The following PGR variants were observed in gnomAD, a reference collection of about 807,000 sequenced individuals.
PGR encodes the protein progesterone receptor.
A neutral mutation model predicts 76.1 loss-of-function variants in PGR; 25 were observed. That is an observed-to-expected ratio of 0.33 (90% CI 0.24 to 0.46). The LOEUF (loss-of-function observed/expected upper bound fraction) is 0.46. Among genes scored for constraint, PGR ranks in the 20% least tolerant of loss-of-function variants. The pLI is 1.00. For missense variants in PGR, 1,172 were observed against 1,225.3 expected, an observed-to-expected ratio of 0.96 and a Z score of 0.65; for synonymous variants, 579 against 535.0, an observed-to-expected ratio of 1.08 and a Z score of -1.14.
At chr11:101,070,183 G>T (rs1278585075) in intron 3 of PGR, among the ~76,000 whole-genome samples, 2 of 152,148 alleles carry the variant, frequency 1.3e-5, no homozygotes, top group Non-Finnish European at 2.9e-5. Flanking sequence ...GCGAGCTGAA[G>T]CAGGGTGGGG....
intron 7 of PGR, among the ~76,000 whole-genome samples, chr11:101,040,109 C>T (rs911578102): frequency 9.2e-5 from 14 of 152,044 alleles, no homozygotes; most frequent in Middle Eastern, 6.8e-3. Context: ...TCCATTCTTA[C>T]GACTTATTTT....
intron 2 of PGR, among the ~76,000 whole-genome samples, chr11:101,122,285 T>G (rs1439987341): frequency 1.3e-5 from 2 of 152,170 alleles, no homozygotes; most frequent in African/African-American, 4.8e-5. Flanking sequence ...TTACACCAAA[T>G]GTATTCACAA....
chr11:101,076,197 T>C (rs1861123228), intron 3 of PGR, among the ~76,000 whole-genome samples: 1 of 151,202 alleles, frequency 6.6e-6, no homozygotes, highest in Non-Finnish European at 1.5e-5. Context: ...AAACCATCAT[T>C]CAGAGCAAAC....
intron 2 of PGR, among the ~76,000 whole-genome samples, chr11:101,114,751 C>G (rs560305414): frequency 2.0e-5 from 3 of 152,238 alleles, no homozygotes; most frequent in African/African-American, 7.2e-5. Flanking sequence ...ACCCATTGAA[C>G]CCATTCCTCT....
chr11:101,040,856 C>T (rs1157365493), intron 7 of PGR, among the ~76,000 whole-genome samples: 1 of 151,984 alleles, frequency 6.6e-6, no homozygotes, highest in African/African-American at 2.4e-5. Flanking sequence ...TTCTTCTGGA[C>T]ATTCCTATTA....
At chr11:101,110,079 A>G (rs976542758) in intron 2 of PGR, among the ~76,000 whole-genome samples, 1 of 152,206 alleles carries the variant, frequency 6.6e-6, no homozygotes, top group African/African-American at 2.4e-5. Context: ...CTGCTTAGAA[A>G]AAAAAATTCC....
intron 4 of PGR, among the ~76,000 whole-genome samples, chr11:101,058,683 T>C (rs1860378101): frequency 6.6e-6 from 1 of 152,168 alleles, no homozygotes; most frequent in Non-Finnish European, 1.5e-5. Flanking sequence ...GTCACATCAA[T>C]TTCACTGCAA....
At chr11:101,103,554 G>A (rs1212896907) in intron 2 of PGR, among the ~76,000 whole-genome samples, 1 of 151,980 alleles carries the variant, frequency 6.6e-6, no homozygotes, top group African/African-American at 2.4e-5. Flanking sequence ...GTAAAGACTG[G>A]GCATATTCCT....
chr11:101,056,233 T>TAA (rs5794092), intron 4 of PGR, among the ~76,000 whole-genome samples: 5,184 of 149,034 alleles, frequency 0.035, 224 homozygotes, highest in African/African-American at 0.1. Flanking sequence ...TAACAAATGT[T>TAA]AAAAAAAAAA....
At chr11:101,062,337 GT>G (rs1860532364) in intron 4 of PGR, 109 bp downstream of exon 4, 1 of 833,430 alleles carries the variant, frequency 1.2e-6, no homozygotes, top group Non-Finnish European at 2.0e-6. Flanking sequence ...ATCACATACT[GT>G]TTTATATTGT....
rs146995681 is a variant in PGR, at chr11:101,045,540, C to T, written c.2489-3438G>A. On this transcript the variant is annotated intron_variant, in intron 6 of 7. Transcript: ENST00000325455. ...GCATTATTTAGCTCCCACTTATAAG[C>T]GAGAACATGTGGTATCTGACTTTGT... is the stretch of plus-strand genomic sequence containing the variant. Among the ~76,000 whole-genome samples the T allele has an allele frequency of 3.5e-3, 528 of 152,184 alleles. 6 individuals carry two copies. The highest frequency in any genetic ancestry group is 8.0e-3 in the Admixed American group (122 of 15,284).
intron 2 of PGR, among the ~76,000 whole-genome samples, chr11:101,107,118 G>A (rs559419890): frequency 3.3e-5 from 5 of 152,070 alleles, no homozygotes; most frequent in Non-Finnish European, 5.9e-5. Flanking sequence ...TGTAGGTGAC[G>A]GGTTGACGGG....
At chr11:101,114,240 C>T (rs971498580) in intron 2 of PGR, among the ~76,000 whole-genome samples, 4 of 152,308 alleles carry the variant, frequency 2.6e-5, no homozygotes, top group Admixed American at 6.5e-5. Flanking sequence ...TACCAGACTG[C>T]ATTTCTGCAA....
At position 101,031,767 on chromosome 11, in the gene PGR, G is replaced by T. The variant is rs897838162; in HGVS notation, c.*7349C>A. The T allele has an allele frequency of 2.6e-5, 6 of 227,762 alleles. No individual in the cohort carries two copies. The highest frequency in any genetic ancestry group is 4.4e-5 in the Non-Finnish European group (5 of 114,740). 14.1% of individuals were successfully genotyped at this position (227,762 alleles called of 1,614,324 possible). ...TTCCATAGAAGGAATCCCAGATAAG[G>T]CTTTTTAAAAGCCGAGCCCAGCCAT... On this transcript the variant is annotated 3_prime_UTR_variant, in exon 8 of 8. Transcript: ENST00000325455.
Position 101,062,441 on chromosome 11 carries a change from T to C in PGR, c.2212+6A>G. The C allele has an allele frequency of 1.2e-6, 2 of 1,604,552 alleles. No individual in the cohort carries two copies. Among genetic ancestry groups the C allele is most frequent in the Non-Finnish European group, 1.7e-6 (2 of 1,171,492 alleles). On this transcript the variant is annotated splice_donor_region_variant and intron_variant, in intron 4 of 7. Coordinates refer to ENST00000325455, the MANE Select transcript of PGR (RefSeq NM_000926.4). ...ATTACATGCTGTATATAAAAATTAT[T>C]ATTACCTGGCAATGATTTAGACCAC... is the stretch of plus-strand genomic sequence containing the variant.
At chr11:101,083,445 G>C (rs1342956400) in intron 3 of PGR, among the ~76,000 whole-genome samples, 2 of 152,218 alleles carry the variant, frequency 1.3e-5, no homozygotes, top group African/African-American at 2.4e-5. Flanking sequence ...CCATCAACCA[G>C]ACCTCAGAAT....
chr11:101,052,102 C>T (rs982427763), intron 4 of PGR, among the ~76,000 whole-genome samples: 1 of 152,116 alleles, frequency 6.6e-6, no homozygotes, highest in Non-Finnish European at 1.5e-5. Flanking sequence ...TAAACATAAA[C>T]TGGTCTTACT....
Position 101,033,879 on chromosome 11 carries a change from A to G in PGR, c.*5237T>C. Reference sequence around the variant, plus strand: ...ATTTAGAATAATTTATATCTGATAAATTGAATACATCAGGATTTGATGTAT... The same window carrying G: ...ATTTAGAATAATTTATATCTGATAAGTTGAATACATCAGGATTTGATGTAT... On this transcript the variant is annotated 3_prime_UTR_variant, in exon 8 of 8. Transcript: ENST00000325455. The G allele has an allele frequency of 4.7e-6, 1 of 213,652 alleles. No individual in the cohort carries two copies. Among genetic ancestry groups the G allele is most frequent in the African/African-American group, 2.2e-5 (1 of 44,502 alleles). The allele number at this position is 213,652 out of a possible 1,614,324, so 13.2% of individuals were successfully genotyped here.
At chr11:101,050,786 C>T (rs955711490) in intron 5 of PGR, among the ~76,000 whole-genome samples, 1 of 152,018 alleles carries the variant, frequency 6.6e-6, no homozygotes, top group Non-Finnish European at 1.5e-5. Flanking sequence ...ACTCAGTTTT[C>T]TAAACTGTAC....
Sources: gnomAD v4.1 joint callset for allele counts (sites outside exome capture counted in the v4.1 genomes callset) on GRCh38, gnomAD v4.1.1 for gene constraint, MANE v1.5 for transcripts, NCBI Gene and HGNC (gene_info 2026-07-23, HGNC 2026-07-21) for gene names.